CABLES1: variants seen among roughly 807,000 people sequenced by gnomAD.
CABLES1 encodes CDK5 and ABL1 enzyme substrate 1.
Under a neutral mutation model 57.8 loss-of-function variants are expected in CABLES1, and 36 were observed. The observed-to-expected ratio is 0.62, with a 90% CI of 0.48 to 0.82. CABLES1 has a LOEUF of 0.82. Among genes scored for constraint, CABLES1 ranks in the 40% least tolerant of loss-of-function variants. The probability of loss-of-function intolerance (pLI) is 0.00; values close to 1 mark genes in which losing one functional copy is unlikely to be tolerated. For missense variants in CABLES1, 767 were observed against 836.6 expected (o/e 0.92, Z 1.03); for synonymous variants, 374 against 363.0 (o/e 1.03, Z -0.35).
chr18:23,221,348 T>C (rs1186840530), intron 4 of CABLES1, among the ~76,000 whole-genome samples: 1 of 152,248 alleles, frequency 6.6e-6, no homozygotes, highest in African/African-American at 2.4e-5. Flanking sequence ...TCATGTTCTT[T>C]TACTTTAGGA....
chr18:23,149,340 A>C (rs754101344), intron 1 of CABLES1, among the ~76,000 whole-genome samples: 11 of 152,050 alleles, frequency 7.2e-5, no homozygotes, highest in Non-Finnish European at 1.0e-4. Flanking sequence ...GCAGTGCAGT[A>C]CTACAATCTT....
chr18:23,166,872 C>T (rs2047046659), intron 1 of CABLES1, among the ~76,000 whole-genome samples: 1 of 152,122 alleles, frequency 6.6e-6, no homozygotes, highest in Admixed American at 6.5e-5. Context: ...GACGGAATTC[C>T]CAGGGTGGCT....
upstream of CABLES1, chr18:23,134,727 C>T (rs1415569390): frequency 2.0e-5 from 3 of 152,090 alleles, no homozygotes; most frequent in Non-Finnish European, 4.4e-5. Flanking sequence ...ATTTCAGAGC[C>T]AAAGTAAAAA....
chr18:23,216,676 G>A (rs894817581), intron 4 of CABLES1, among the ~76,000 whole-genome samples: 12 of 152,176 alleles, frequency 7.9e-5, no homozygotes, highest in African/African-American at 1.9e-4. Context: ...TGAAGATAAC[G>A]ACATTTCTGC....
chr18:23,212,089 T>C (rs1055447328), intron 3 of CABLES1, among the ~76,000 whole-genome samples: 17 of 152,242 alleles, frequency 1.1e-4, no homozygotes, highest in African/African-American at 2.2e-4. Flanking sequence ...TAGACAGCCA[T>C]GCATGGGGTC....
At chr18:23,249,168 T>G (rs1317279773) in intron 7 of CABLES1, among the ~76,000 whole-genome samples, 1 of 152,250 alleles carries the variant, frequency 6.6e-6, no homozygotes, top group African/African-American at 2.4e-5. Context: ...CAGCCCTGCC[T>G]TCACATATCA....
At chr18:23,240,852 A>G (rs1336916189) in intron 7 of CABLES1, among the ~76,000 whole-genome samples, 1 of 152,100 alleles carries the variant, frequency 6.6e-6, no homozygotes, top group Non-Finnish European at 1.5e-5. Context: ...TGAATGAAGC[A>G]GCTCTCAAAG....
intron 1 of CABLES1, among the ~76,000 whole-genome samples, chr18:23,158,905 C>T (rs1376753772): frequency 6.6e-6 from 1 of 152,220 alleles, no homozygotes; most frequent in African/African-American, 2.4e-5. Context: ...CCCTTCCTTT[C>T]CTTCTGCTAC....
At chr18:23,189,785 G>A (rs2047228295) in intron 2 of CABLES1, among the ~76,000 whole-genome samples, 2 of 152,244 alleles carry the variant, frequency 1.3e-5, no homozygotes, top group African/African-American at 4.8e-5. Context: ...GGGTGCTGCT[G>A]TAGGAGATGG....
intron 1 of CABLES1, among the ~76,000 whole-genome samples, chr18:23,141,593 G>A (rs982513666): frequency 1.3e-5 from 2 of 152,238 alleles, no homozygotes; most frequent in African/African-American, 4.8e-5. Flanking sequence ...TTTGGAGGTC[G>A]GAGTTGTAGC....
At chr18:23,215,758 T>G (rs1275384790) in intron 4 of CABLES1, among the ~76,000 whole-genome samples, 1 of 151,798 alleles carries the variant, frequency 6.6e-6, no homozygotes, top group Non-Finnish European at 1.5e-5. Context: ...TTTTCTTTTT[T>G]TCTTTTTTTT....
intron 1 of CABLES1, among the ~76,000 whole-genome samples, chr18:23,176,609 A>AT (rs1467101602): frequency 3.3e-5 from 5 of 152,014 alleles, no homozygotes; most frequent in Admixed American, 6.6e-5. Context: ...AGAAGCAGGC[A>AT]TTTTTTTCAG....
rs530137992 is a variant in CABLES1, at chr18:23,172,656, A to T, written c.846-16182A>T. On this transcript the variant is annotated intron_variant, in intron 1 of 9. Coordinates refer to ENST00000256925, the MANE Select transcript of CABLES1 (RefSeq NM_001100619.3). ...AAGGGTCCATTCAGACCTCTGACAT[A>T]GACTTTTTTGAAGAGTCCAATAGCA... 3.1e-4 allele frequency among the ~76,000 whole-genome samples: 47 copies of T among 152,350 alleles called. No homozygotes were observed. In the Middle Eastern group the frequency reaches 0.014, roughly 44 times the overall value.
chr18:23,186,930 C>T (rs968090812), intron 1 of CABLES1, among the ~76,000 whole-genome samples: 2 of 152,200 alleles, frequency 1.3e-5, no homozygotes, highest in Non-Finnish European at 2.9e-5. Context: ...AGGCTAGGCT[C>T]GCTGCCTGCT....
At chr18:23,151,575 G>C (rs192467096) in intron 1 of CABLES1, among the ~76,000 whole-genome samples, 2 of 152,338 alleles carry the variant, frequency 1.3e-5, no homozygotes, top group Non-Finnish European at 2.9e-5. Context: ...AGAAGCTCTT[G>C]AGTAATCCAC....
At chr18:23,213,826 G>C in intron 3 of CABLES1, 151 bp from the exon 4 acceptor site, 3 of 575,124 alleles carry the variant, frequency 5.2e-6, no homozygotes, top group Non-Finnish European at 9.1e-6. Flanking sequence ...ATTTTGCAAG[G>C]AGAGCAGAAT....
Position 23,253,751 on chromosome 18 carries a change from C to T in CABLES1, c.1576C>T (p.Leu526Phe). 1 of 1,614,168 alleles carries T rather than the reference C, an allele frequency of 6.2e-7. No individual in the cohort carries two copies. The highest frequency in any genetic ancestry group is 8.5e-7 in the Non-Finnish European group (1 of 1,180,010). ...CAGTCTGAAACGAGAGATGCGGAAG[C>T]TTGCGCAGGAGGACTGTGGCCTTGA... ...IRSLKREMRK[L>F]AQEDCGLEEP... is the part of the protein sequence containing the mutation. Residue 526 changes from leucine (L) to phenylalanine (F), a missense_variant, in exon 9 of 10, where the codon CTT (leucine) becomes TTT (phenylalanine). By Grantham distance (22) the Leu-to-Phe change is conservative (BLOSUM62 0). This residue lies in a region of CABLES1 where 529 missense variants were observed against 622.8 expected (regional missense o/e 0.85). Coordinates refer to ENST00000256925, the MANE Select transcript of CABLES1 (RefSeq NM_001100619.3).
chr18:23,201,807 G>A (rs1265703514), intron 3 of CABLES1, among the ~76,000 whole-genome samples: 1 of 152,238 alleles, frequency 6.6e-6, no homozygotes, highest in Non-Finnish European at 1.5e-5. Flanking sequence ...ATGAGATAAT[G>A]TGCCATGGAG....
chr18:23,256,175 A>C (rs2048160035), intron 9 of CABLES1, among the ~76,000 whole-genome samples: 1 of 152,246 alleles, frequency 6.6e-6, no homozygotes, highest in South Asian at 2.1e-4. Flanking sequence ...TATTTTATTA[A>C]GACAAAAGCT....
Sources: gnomAD v4.1 joint callset for allele counts (sites outside exome capture counted in the v4.1 genomes callset) on GRCh38, gnomAD v4.1.1 for gene constraint, gnomAD v4.1.1 regional missense constraint, MANE v1.5 for transcripts, NCBI Gene and HGNC (gene_info 2026-07-23, HGNC 2026-07-21) for gene names.